The following RMDN2 variants were observed in gnomAD, a reference collection of about 807,000 sequenced individuals.
The protein encoded by RMDN2 is regulator of microtubule dynamics 2.
Under a neutral mutation model 52.8 loss-of-function variants are expected in RMDN2, and 61 were observed. That is an observed-to-expected ratio of 1.16 (90% CI 0.94 to 1.43). The LOEUF is 1.43. Among genes scored for constraint, RMDN2 ranks in the 40% most tolerant of loss-of-function variants. The pLI is 0.00. For missense variants in RMDN2, 592 were observed against 475.3 expected, an observed-to-expected ratio of 1.25 and a Z score of -2.28; for synonymous variants, 180 against 153.1, an observed-to-expected ratio of 1.18 and a Z score of -1.30.
chr2:37,967,709 G>C (rs968123886), intron 2 of RMDN2, among the ~76,000 whole-genome samples: 11 of 152,266 alleles, frequency 7.2e-5, no homozygotes, highest in Admixed American at 7.2e-4. Flanking sequence ...CATCGAACAA[G>C]GGCAATTTTG....
chr2:38,054,738 A>G (rs1183426472), intron 10 of RMDN2, among the ~76,000 whole-genome samples: 1 of 152,098 alleles, frequency 6.6e-6, no homozygotes, highest in Non-Finnish European at 1.5e-5. Context: ...ATCTTTCTTA[A>G]GGAACATTTC....
intron 10 of RMDN2, among the ~76,000 whole-genome samples, chr2:38,042,397 C>T (rs1681011190): frequency 7.9e-6 from 1 of 126,550 alleles, no homozygotes; most frequent in African/African-American, 3.9e-5. Flanking sequence ...CCAAAACCTC[C>T]CCCCGCCACA....
chr2:37,926,411 G>C (rs1181068399), intron 1 of RMDN2, among the ~76,000 whole-genome samples: 11 of 151,960 alleles, frequency 7.2e-5, no homozygotes, highest in Non-Finnish European at 1.5e-4. Context: ...TAGAATACTT[G>C]ATTCTCATCT....
chr2:38,003,197 A>T (rs754020697), intron 8 of RMDN2, among the ~76,000 whole-genome samples: 4 of 152,204 alleles, frequency 2.6e-5, no homozygotes, highest in Non-Finnish European at 4.4e-5. Context: ...AAGAAATCAA[A>T]TATTAATCTA....
At chr2:37,999,917 C>T (rs1350292521) in intron 8 of RMDN2, among the ~76,000 whole-genome samples, 1 of 152,116 alleles carries the variant, frequency 6.6e-6, no homozygotes, top group African/African-American at 2.4e-5. Context: ...CCTTAGTTCT[C>T]CCACTCTCAA....
chr2:37,970,604 C>G (rs956493799), intron 2 of RMDN2, among the ~76,000 whole-genome samples: 2 of 151,968 alleles, frequency 1.3e-5, no homozygotes, highest in Non-Finnish European at 2.9e-5. Flanking sequence ...TTTGAATAAG[C>G]CTAATTATTT....
At chr2:38,001,566 A>G (rs775154846) in intron 8 of RMDN2, among the ~76,000 whole-genome samples, 12 of 152,232 alleles carry the variant, frequency 7.9e-5, no homozygotes, top group Non-Finnish European at 1.6e-4. Flanking sequence ...TTAACTAAAC[A>G]TGGGTGTTAA....
chr2:37,936,722 C>A (rs1451228474), intron 2 of RMDN2, among the ~76,000 whole-genome samples: 1 of 152,086 alleles, frequency 6.6e-6, no homozygotes, highest in Non-Finnish European at 1.5e-5. Flanking sequence ...TATCCTTTGC[C>A]CACTTTTTGA....
rs540184363 is a variant in RMDN2 at position 38,000,787 on chromosome 2, A to G, written c.1045-3204A>G. ...TGTTTCTGGTTTGATGCTATTTTGC[A>G]TAAAGCTTCTGTGAACATTCAAATG... is the stretch of plus-strand genomic sequence containing the variant. On this transcript the variant is annotated intron_variant, in intron 8 of 10. Transcript: ENST00000354545. Among the ~76,000 whole-genome samples, 3 of 152,368 alleles carry G rather than the reference A, an allele frequency of 2.0e-5. No homozygotes were observed. The South Asian group carries it at 6.2e-4, about 32-fold the overall frequency.
At chr2:38,014,583 A>T (rs1678480163) in intron 10 of RMDN2, among the ~76,000 whole-genome samples, 1 of 152,228 alleles carries the variant, frequency 6.6e-6, no homozygotes, top group Admixed American at 6.5e-5. Context: ...AAATGCTAGG[A>T]GAATAATGAC....
intron 7 of RMDN2, among the ~76,000 whole-genome samples, chr2:37,994,182 G>A (rs1323061525): frequency 6.6e-6 from 1 of 152,126 alleles, no homozygotes; most frequent in African/African-American, 2.4e-5. Context: ...CAAAAAACCA[G>A]CAGTGGACCT....
At chr2:38,014,170 C>A (rs1678408507) in intron 10 of RMDN2, among the ~76,000 whole-genome samples, 1 of 152,132 alleles carries the variant, frequency 6.6e-6, no homozygotes, top group Non-Finnish European at 1.5e-5. Flanking sequence ...TGAGATCGTG[C>A]CATTGCACTC....
At chr2:38,055,434 A>G (rs190234875) in intron 10 of RMDN2, among the ~76,000 whole-genome samples, 11 of 152,294 alleles carry the variant, frequency 7.2e-5, no homozygotes, top group Middle Eastern at 6.8e-3. Flanking sequence ...TCTTAGAACC[A>G]GAAATAGAAA....
At chr2:37,964,751 G>A (rs778132491) in intron 2 of RMDN2, among the ~76,000 whole-genome samples, 7 of 152,134 alleles carry the variant, frequency 4.6e-5, no homozygotes, top group Middle Eastern at 3.4e-3. Flanking sequence ...CTAATCATCC[G>A]CCTGGTTGTT....
At chr2:38,024,714 A>G (rs1037338378) in intron 10 of RMDN2, among the ~76,000 whole-genome samples, 1 of 152,160 alleles carries the variant, frequency 6.6e-6, no homozygotes, top group African/African-American at 2.4e-5. Context: ...CAGCATTTAC[A>G]TTTACAAACT....
chr2:38,056,312 A>G (rs1394680062), intron 10 of RMDN2, among the ~76,000 whole-genome samples: 1 of 152,130 alleles, frequency 6.6e-6, no homozygotes, highest in Non-Finnish European at 1.5e-5. Flanking sequence ...CCTCATGTCC[A>G]CACAGTCTCT....
chr2:38,031,043 C>G (rs924466346), intron 10 of RMDN2, among the ~76,000 whole-genome samples: 6 of 150,686 alleles, frequency 4.0e-5, no homozygotes, highest in African/African-American at 1.5e-4. Flanking sequence ...TGGCCAAGAA[C>G]ATTTAAGTGT....
At chr2:38,063,070 A>G (rs1352855946) in intron 10 of RMDN2, among the ~76,000 whole-genome samples, 1 of 152,204 alleles carries the variant, frequency 6.6e-6, no homozygotes, top group Non-Finnish European at 1.5e-5. Flanking sequence ...TAGTGCCACT[A>G]TAAACATACA....
chr2:38,050,696 G>A (rs1185777707), intron 10 of RMDN2, among the ~76,000 whole-genome samples: 2 of 152,178 alleles, frequency 1.3e-5, no homozygotes, highest in African/African-American at 4.8e-5. Flanking sequence ...ATATGTTAAT[G>A]TAAGAACAAA....
Sources: allele counts gnomAD v4.1 joint callset (sites outside exome capture counted in the v4.1 genomes callset), GRCh38; gene constraint gnomAD v4.1.1; transcripts MANE v1.5; gene names NCBI Gene and HGNC (gene_info 2026-07-23, HGNC 2026-07-21).